The following FGFR1 variants were observed in gnomAD, a reference collection of about 807,000 sequenced individuals.
FGFR1 encodes FGFR1/PLAG1 fusion.
Under a neutral mutation model 93.7 loss-of-function variants are expected in FGFR1, and 18 were observed. The ratio of observed to expected loss-of-function variants is 0.19; its 90% CI spans 0.13 to 0.28. The LOEUF (loss-of-function observed/expected upper bound fraction) is 0.28, where lower values mean the gene tolerates loss of function less well. Ranked by LOEUF, FGFR1 falls within the 10% of genes least tolerant of loss-of-function variation. The pLI, the probability that FGFR1 is intolerant of heterozygous loss-of-function variation, is 1.00. For missense variants in FGFR1, 731 were observed against 1,080.4 expected (o/e 0.68, Z 4.53); for synonymous variants, 448 against 429.3 (o/e 1.04, Z -0.54).
rs964151410 is a variant in FGFR1, at chr8:38,424,083, C to T, written c.936+426G>A. Reference sequence around the variant, plus strand: ...TATGGCATTTGTTTTTCCAACTCTTCGTAAGAGATGCTCTTATCATGCACC... The same window carrying T: ...TATGGCATTTGTTTTTCCAACTCTTTGTAAGAGATGCTCTTATCATGCACC... On this transcript the variant is annotated intron_variant, in intron 7 of 17. Transcript: ENST00000447712. The surrounding 1 kb of genome is among the most constrained non-coding windows in gnomAD (Gnocchi z 4.3). 4 of 305,656 alleles carry T rather than the reference C, an allele frequency of 1.3e-5. No individual in the cohort carries two copies. The highest frequency in any genetic ancestry group is 4.3e-5 in the Admixed American group (1 of 23,178). The allele number at this position is 305,656 out of a possible 1,614,324, so 18.9% of individuals were successfully genotyped here. A position where few individuals can be genotyped will look rare whatever the true frequency, so the allele number is the denominator to read the frequency against.
chr8:38,414,061 G>A (rs2150525912), intron 16 of FGFR1, 38 bp from the exon 17 acceptor site: 2 of 1,613,672 alleles, frequency 1.2e-6, no homozygotes, highest in Non-Finnish European at 8.5e-7. Context: ...GTCTCCTGGA[G>A]ATGGATACTC....
chr8:38,415,960 G>A lies in FGFR1; in HGVS notation c.1764C>T (p.Ser588=), dbSNP rs749160589. 1.2e-6 allele frequency: 2 copies of A among 1,614,138 alleles called. No homozygotes were observed. The highest frequency in any genetic ancestry group is 1.7e-6 in the Non-Finnish European group (2 of 1,180,032). The change falls in exon 13 of 18, where the codon AGC becomes AGT. Residue 588 remains serine, a synonymous_variant. Transcript: ENST00000447712. ...AGGAGAGCTGCTCCTCTGGGTTGTG[G>A]CTGGGGTTGTAGCAGTATTCCAGCC... ...PPGLEYCYNP[S]HNPEEQLSSK... is the part of the protein sequence containing the mutation.
At chr8:38,422,737 C>A in intron 7 of FGFR1, 1 of 394,428 alleles carries the variant, frequency 2.5e-6, no homozygotes, top group Non-Finnish European at 4.6e-6. Flanking sequence ...TCACTCACAA[C>A]TTCAGTCTGA....
At chr8:38,419,800 A>C (rs1402117510) in intron 8 of FGFR1, 65 bp from the exon 9 acceptor site, 2 of 1,431,290 alleles carry the variant, frequency 1.4e-6, no homozygotes, top group African/African-American at 2.8e-5. Context: ...GTCCCGCTCC[A>C]TTAGAAAAGC....
chr8:38,447,149 AC>A (rs1563587527), intron 2 of FGFR1, among the ~76,000 whole-genome samples: 1 of 129,878 alleles, frequency 7.7e-6, no homozygotes, highest in East Asian at 2.4e-4. Flanking sequence ...ACACACACAC[AC>A]ACCCCTGACA....
At chr8:38,440,621 G>A (rs1320018069) in intron 2 of FGFR1, among the ~76,000 whole-genome samples, 1 of 151,460 alleles carries the variant, frequency 6.6e-6, no homozygotes, top group Non-Finnish European at 1.5e-5. Context: ...AGTAAGAGGG[G>A]ACATTTTGCA....
intron 7 of FGFR1, chr8:38,423,312 GTTTTTTTTT>G (rs58594253): frequency 2.8e-6 from 1 of 360,884 alleles, no homozygotes; most frequent in African/African-American, 2.7e-5. Context: ...TTCCCTTTTA[GTTTTTTTTT>G]TTTTTTTTTT....
At chr8:38,447,146 CACA>C (rs1829610242) in intron 2 of FGFR1, among the ~76,000 whole-genome samples, 3 of 139,088 alleles carry the variant, frequency 2.2e-5, no homozygotes, top group African/African-American at 8.5e-5. Flanking sequence ...CACACACACA[CACA>C]CACCCCTGAC....
intron 2 of FGFR1, among the ~76,000 whole-genome samples, chr8:38,456,022 C>G (rs576332691): frequency 6.6e-6 from 1 of 152,322 alleles, no homozygotes; most frequent in African/African-American, 2.4e-5. Flanking sequence ...TATGCCTGCT[C>G]TAGCCACTGC....
chr8:38,453,153 TGAGAGACA>T (rs1586702579), intron 2 of FGFR1, among the ~76,000 whole-genome samples: 2 of 152,320 alleles, frequency 1.3e-5, no homozygotes, highest in East Asian at 3.9e-4. Context: ...ACAAAGCTCA[TGAGAGACA>T]GGCTATGTGA....
chr8:38,458,524 G>C (rs1428378367), intron 1 of FGFR1, among the ~76,000 whole-genome samples: 1 of 152,220 alleles, frequency 6.6e-6, no homozygotes, highest in East Asian at 1.9e-4. Context: ...CTAGGTGACA[G>C]AGTGAGACTC....
chr8:38,461,256 C>T, intron 1 of FGFR1: 1 of 814,546 alleles, frequency 1.2e-6, no homozygotes, highest in Non-Finnish European at 1.9e-6. Flanking sequence ...TCTCCCACTT[C>T]TAAGAGAAAA....
chr8:38,460,993 C>T, intron 1 of FGFR1: 1 of 1,448,526 alleles, frequency 6.9e-7, no homozygotes. Flanking sequence ...CCAATATCAG[C>T]TAGGCTCCTG....
At position 38,413,743 on chromosome 8, in the gene FGFR1, C is replaced by A; in HGVS notation, c.2354G>T (p.Ser785Ile). 6.2e-7 allele frequency: 1 copy of A among 1,614,134 alleles called. No individual in the cohort carries two copies. The highest frequency in any genetic ancestry group is 1.1e-5 in the South Asian group (1 of 91,076). The change falls in exon 18 of 18, where the codon AGC (serine) becomes ATC (isoleucine). Residue 785 changes from serine (S) to isoleucine (I), a missense_variant. Ser to Ile is a moderately radical substitution (Grantham distance 142, BLOSUM62 -2). Around this residue, in one of 10 missense-constraint regions of FGFR1, gnomAD observed 79 missense variants for 97.2 expected, o/e 0.81. Coordinates refer to ENST00000447712, the MANE Select transcript of FGFR1 (RefSeq NM_023110.3). This position sits in a 1 kb window ranked among gnomAD's most constrained non-coding sequence, Gnocchi z 4.2. Reference protein sequence around the residue: ...QYSPSFPDTRSSTCSSGEDSV... With the variant: ...QYSPSFPDTRISTCSSGEDSV... The stretch of plus-strand genomic sequence containing the variant: ...ATCCTCCCCTGAGGAGCACGTAGAG[C>A]TCCGGGTGTCGGGAAAGCTGGGGGA...
At chr8:38,457,618 G>T (rs1204033744) in intron 1 of FGFR1, 84 bp from the exon 2 acceptor site, 2 of 1,377,404 alleles carry the variant, frequency 1.5e-6, no homozygotes, top group Non-Finnish European at 2.0e-6. Flanking sequence ...AGTATGCCAT[G>T]TGGTGGCTGC....
intron 10 of FGFR1, 103 bp downstream of exon 10, chr8:38,418,125 C>T: frequency 6.2e-7 from 1 of 1,606,954 alleles, no homozygotes; most frequent in Admixed American, 1.7e-5. Context: ...GCAGGCATTT[C>T]ATGAACCTTC....
At chr8:38,418,567 C>A (rs1389445668) in intron 9 of FGFR1, 194 bp from the exon 10 acceptor site, 14 of 631,846 alleles carry the variant, frequency 2.2e-5, no homozygotes, top group Non-Finnish European at 3.6e-5. Context: ...ATTTCTGCCA[C>A]AAGCTGGCCT....
rs1478729849 is a variant in FGFR1 at position 38,429,569 on chromosome 8, C to CAG, written c.358+111_358+112dup. On this transcript the variant is annotated intron_variant, in intron 3 of 17. Transcript: ENST00000447712. This position sits in a 1 kb window ranked among gnomAD's most constrained non-coding sequence, Gnocchi z 4.4. ...TGTTAGTGGGCAGCAGTTTCTGAAG[C>CAG]AGAGTGGGGGCAGATCACGGAGGGG... 3.4e-6 allele frequency: 4 copies of CAG among 1,178,468 alleles called. No individual in the cohort carries two copies. In the Admixed American group the frequency reaches 8.3e-5, roughly 24 times the overall value. The allele number at this position is 1,178,468 out of a possible 1,614,324, so 73.0% of individuals were successfully genotyped here.
At chr8:38,448,303 G>C (rs555658008) in intron 2 of FGFR1, among the ~76,000 whole-genome samples, 1 of 145,970 alleles carries the variant, frequency 6.9e-6, no homozygotes, top group Non-Finnish European at 1.5e-5. Context: ...TTTTTGAGAC[G>C]GAGTTTCGCT....
Sources: allele counts gnomAD v4.1 joint callset (sites outside exome capture counted in the v4.1 genomes callset), GRCh38; gene constraint gnomAD v4.1.1; regional missense constraint gnomAD v4.1.1; non-coding constraint Gnocchi (gnomAD v3.1); transcripts MANE v1.5; gene names NCBI Gene and HGNC (gene_info 2026-07-23, HGNC 2026-07-21).